Variants in DKK2 observed in about 807,000 individuals in gnomAD.
DKK2 encodes the protein dickkopf-related protein 2.
In DKK2, 11 loss-of-function variants were observed where a neutral mutation model predicts 28.1. The ratio of observed to expected loss-of-function variants is 0.39; its 90% CI spans 0.25 to 0.65. The LOEUF (loss-of-function observed/expected upper bound fraction) is 0.65. Ranked by LOEUF, DKK2 falls within the 30% of genes least tolerant of loss-of-function variation. The pLI, the probability that DKK2 is intolerant of heterozygous loss-of-function variation, is 0.47. For missense variants in DKK2, 326 were observed against 335.5 expected, an observed-to-expected ratio of 0.97 and a Z score of 0.22; for synonymous variants, 135 against 126.5, an observed-to-expected ratio of 1.07 and a Z score of -0.45.
chr4:106,982,740 GA>G (rs567042176), intron 1 of DKK2, among the ~76,000 whole-genome samples: 2 of 151,878 alleles, frequency 1.3e-5, no homozygotes, highest in African/African-American at 4.8e-5. Context: ...GAGAGAGAGA[GA>G]AATGCACAAA....
At chr4:107,034,611 C>T (rs1266000623) in intron 1 of DKK2, among the ~76,000 whole-genome samples, 3 of 152,158 alleles carry the variant, frequency 2.0e-5, no homozygotes, top group Admixed American at 2.0e-4. Flanking sequence ...GTATCGCTGG[C>T]GCCTACGACG....
chr4:106,961,078 C>T (rs1434502104), intron 1 of DKK2, among the ~76,000 whole-genome samples: 1 of 151,992 alleles, frequency 6.6e-6, no homozygotes, highest in Admixed American at 6.6e-5. Context: ...CATGAAGAGG[C>T]TAATTGCTTT....
At chr4:106,969,523 A>C (rs962353370) in intron 1 of DKK2, among the ~76,000 whole-genome samples, 1 of 152,062 alleles carries the variant, frequency 6.6e-6, no homozygotes, top group Non-Finnish European at 1.5e-5. Context: ...AGTATTTAAA[A>C]GGAGAAGAAG....
rs1408650683 is a variant in DKK2 at position 107,036,236 on chromosome 4, TC to T, written c.-646del. ...CCCCTGACTCACAAGAGACAGCGAA[TC>T]GCTGCCAGCGCAGCGATGCCTAGGG... is the stretch of plus-strand genomic sequence containing the variant. On this transcript the variant is annotated 5_prime_UTR_variant, in exon 1 of 4. Coordinates refer to ENST00000285311, the MANE Select transcript of DKK2 (RefSeq NM_014421.3). 4 of 152,542 alleles carry T rather than the reference TC, an allele frequency of 2.6e-5. No homozygotes were observed. The highest frequency in any genetic ancestry group is 9.6e-5 in the African/African-American group (4 of 41,572). The allele number at this position is 152,542 out of a possible 1,614,324, so 9.4% of individuals were successfully genotyped here.
intron 1 of DKK2, among the ~76,000 whole-genome samples, chr4:106,976,337 G>A (rs991876630): frequency 7.9e-5 from 12 of 152,220 alleles, no homozygotes; most frequent in African/African-American, 2.6e-4. Context: ...ATTGACAGTG[G>A]GGTGTTAAAT....
At chr4:107,020,915 T>C (rs1379027964) in intron 1 of DKK2, among the ~76,000 whole-genome samples, 2 of 152,022 alleles carry the variant, frequency 1.3e-5, no homozygotes, top group Non-Finnish European at 2.9e-5. Context: ...GTGGAGAACA[T>C]ACCACTGACC....
chr4:106,963,113 G>A (rs1277019977), intron 1 of DKK2, among the ~76,000 whole-genome samples: 1 of 151,744 alleles, frequency 6.6e-6, no homozygotes, highest in African/African-American at 2.4e-5. Context: ...CCAGCACTTT[G>A]GGAGGCTGAG....
chr4:107,026,816 A>T (rs1723787540), intron 1 of DKK2, among the ~76,000 whole-genome samples: 2 of 152,178 alleles, frequency 1.3e-5, no homozygotes, highest in African/African-American at 2.4e-5. Context: ...GGTTGCTGTT[A>T]TTTCTGGCAG....
rs77815675 is a variant in DKK2 at position 106,984,880 on chromosome 4, C to T, written c.222+50490G>A. ...GATACACACAACAGCCTGTAATCCC[C>T]AGAGAAATTATGAGTGATAAAAGCT... On this transcript the variant is annotated intron_variant, in intron 1 of 3. Transcript: ENST00000285311. Among the ~76,000 whole-genome samples the T allele has an allele frequency of 2.7e-4, 41 of 152,218 alleles. 1 individual carries two copies. The highest frequency in any genetic ancestry group is 9.6e-4 in the African/African-American group (40 of 41,548).
chr4:106,943,352 C>T (rs1724729849), intron 1 of DKK2, among the ~76,000 whole-genome samples: 1 of 152,200 alleles, frequency 6.6e-6, no homozygotes, highest in Admixed American at 6.5e-5. Context: ...TACCATTCCA[C>T]AATTTATCCA....
chr4:107,010,156 AAAC>A (rs1485170355), intron 1 of DKK2, among the ~76,000 whole-genome samples: 14 of 151,738 alleles, frequency 9.2e-5, no homozygotes, highest in Non-Finnish European at 2.1e-4. Flanking sequence ...CCAAAGTAGG[AAAC>A]AAGTAATAAT....
chr4:106,991,986 A>T (rs1723211885), intron 1 of DKK2, among the ~76,000 whole-genome samples: 1 of 152,158 alleles, frequency 6.6e-6, no homozygotes, highest in African/African-American at 2.4e-5. Context: ...AAACTCTAAA[A>T]ATAATCCCAC....
rs1316269928 is a variant in DKK2, at chr4:106,937,113, A to G, written c.223-11164T>C. 4.6e-5 allele frequency among the ~76,000 whole-genome samples: 7 copies of G among 151,558 alleles called. No homozygotes were observed. The South Asian group carries it at 1.5e-3, about 32-fold the overall frequency. ...AATGACCGGATCAAATTCACACATA[A>G]CAATATTAACTTTAAATGTAAATGG... On this transcript the variant is annotated intron_variant, in intron 1 of 3. Coordinates refer to ENST00000285311, the MANE Select transcript of DKK2 (RefSeq NM_014421.3).
intron 1 of DKK2, among the ~76,000 whole-genome samples, chr4:106,964,976 G>A (rs919456489): frequency 8.3e-5 from 12 of 144,420 alleles, no homozygotes; most frequent in Non-Finnish European, 1.4e-4. Flanking sequence ...TAGATAGATA[G>A]ATAGATAGAT....
intron 1 of DKK2, among the ~76,000 whole-genome samples, chr4:107,019,149 T>G (rs1366069617): frequency 1.3e-5 from 2 of 152,008 alleles, no homozygotes; most frequent in Admixed American, 6.6e-5. Flanking sequence ...TATAGAGATG[T>G]TAACCTCCTA....
At chr4:107,027,497 T>C (rs572729899) in intron 1 of DKK2, among the ~76,000 whole-genome samples, 8 of 147,774 alleles carry the variant, frequency 5.4e-5, no homozygotes, top group Admixed American at 1.4e-4. Context: ...ATGGAAACAA[T>C]GAATTCCCAG....
At chr4:106,962,255 TA>T (rs1279572879) in intron 1 of DKK2, among the ~76,000 whole-genome samples, 1 of 152,144 alleles carries the variant, frequency 6.6e-6, no homozygotes, top group Non-Finnish European at 1.5e-5. Flanking sequence ...CATCACCATT[TA>T]AAAAGTTTGG....
At chr4:106,966,143 A>G (rs560402006) in intron 1 of DKK2, among the ~76,000 whole-genome samples, 30 of 152,272 alleles carry the variant, frequency 2.0e-4, no homozygotes, top group Non-Finnish European at 2.8e-4. Context: ...GGATTTTAGG[A>G]AAGTGGTTGC....
chr4:106,979,830 C>A (rs910513738), intron 1 of DKK2, among the ~76,000 whole-genome samples: 2 of 152,234 alleles, frequency 1.3e-5, no homozygotes, highest in Non-Finnish European at 2.9e-5. Context: ...TCATACATCA[C>A]AGTATCCAGG....
Sources: gnomAD v4.1 joint callset for allele counts (sites outside exome capture counted in the v4.1 genomes callset) on GRCh38, gnomAD v4.1.1 for gene constraint, MANE v1.5 for transcripts, NCBI Gene and HGNC (gene_info 2026-07-23, HGNC 2026-07-21) for gene names.